Variants in CA5A observed in about 807,000 individuals in gnomAD.
CA5A encodes the protein carbonic anhydrase 5A, mitochondrial.
CA5A carries 28 observed loss-of-function variants against 37.1 expected under a neutral mutation model. The ratio of observed to expected loss-of-function variants is 0.75; its 90% CI spans 0.56 to 1.03. The LOEUF is 1.03. Ranked by LOEUF, CA5A falls within the 50% of genes least tolerant of loss-of-function variation. CA5A has a pLI of 0.00. For missense variants in CA5A, 444 were observed against 399.9 expected (o/e 1.11, Z -0.94); for synonymous variants, 171 against 158.4 (o/e 1.08, Z -0.60).
intron 5 of CA5A, 76 bp downstream of exon 5, chr16:87,901,836 C>G: frequency 7.8e-7 from 1 of 1,278,728 alleles, no homozygotes. Flanking sequence ...ATCCACCTGC[C>G]TCAGCCTCCC....
At chr16:87,928,723 TTCTC>T (rs1265412516) in intron 1 of CA5A, among the ~76,000 whole-genome samples, 1 of 151,582 alleles carries the variant, frequency 6.6e-6, no homozygotes, top group African/African-American at 2.4e-5. Flanking sequence ...TTGCTGTTCT[TTCTC>T]TGTATTCTCA....
chr16:87,884,667 G>C (rs2055634816), downstream of CA5A: 1 of 151,864 alleles, frequency 6.6e-6, no homozygotes. Context: ...CCGGGAGGCA[G>C]AGGTTGCAGT....
chr16:87,923,380 G>A (rs1443064529), intron 2 of CA5A: 2 of 188,968 alleles, frequency 1.1e-5, no homozygotes, highest in Non-Finnish European at 2.0e-5. Flanking sequence ...TACAGATGGG[G>A]TTTCACCATG....
chr16:87,909,867 GAGT>G (rs2056024989), intron 2 of CA5A, among the ~76,000 whole-genome samples: 7 of 152,308 alleles, frequency 4.6e-5, no homozygotes, highest in Middle Eastern at 3.4e-3. Context: ...ATGGGGTCAG[GAGT>G]GGGGTCTGGA....
At chr16:87,933,849 G>C (rs1481113812) in intron 1 of CA5A, among the ~76,000 whole-genome samples, 3 of 152,186 alleles carry the variant, frequency 2.0e-5, no homozygotes, top group African/African-American at 7.2e-5. Flanking sequence ...AATTCCTTAT[G>C]ATGTTCCAAT....
Position 87,926,850 on chromosome 16 carries a change from G to T in CA5A, c.238C>A (p.Leu80Met). Residue 80 changes from leucine to methionine, a missense_variant, in exon 2 of 7, where the codon CTG (leucine) becomes ATG (methionine). Transcript: ENST00000649794. ...TCATAGGAGACCCTGAGTGGCTTCA[G>T]CTGGGGGTCATAGACGCTGTCCCTC... Reference protein sequence around the residue: ...QWRDSVYDPQLKPLRVSYEAA... With the variant: ...QWRDSVYDPQMKPLRVSYEAA... 1 of 1,613,714 alleles carries T rather than the reference G, an allele frequency of 6.2e-7. No homozygotes were observed. The highest frequency in any genetic ancestry group is 1.1e-5 in the South Asian group (1 of 91,036).
At chr16:87,925,317 G>A (rs75361200) in intron 2 of CA5A, among the ~76,000 whole-genome samples, 1,856 of 152,274 alleles carry the variant, frequency 0.012, 38 homozygotes, top group African/African-American at 0.042. Flanking sequence ...GAGGTGTCTG[G>A]GCTGTCCGGA....
chr16:87,927,823 T>G (rs946444612), intron 1 of CA5A, among the ~76,000 whole-genome samples: 2 of 144,426 alleles, frequency 1.4e-5, no homozygotes, highest in Admixed American at 7.2e-5. Context: ...ATCGCGCCAC[T>G]GCACTCCAGC....
chr16:87,930,738 T>C (rs1319904925), intron 1 of CA5A, among the ~76,000 whole-genome samples: 1 of 120,848 alleles, frequency 8.3e-6, no homozygotes, highest in East Asian at 2.1e-4. Flanking sequence ...TGGATCTATT[T>C]TTTTTTTTTT....
At chr16:87,908,057 C>T (rs144798551) in intron 2 of CA5A, among the ~76,000 whole-genome samples, 160 of 152,276 alleles carry the variant, frequency 1.1e-3, no homozygotes, top group African/African-American at 3.5e-3. Context: ...AATACAGGAA[C>T]GAATGGGATT....
At chr16:87,907,959 G>C (rs1032529476) in intron 2 of CA5A, among the ~76,000 whole-genome samples, 1 of 152,204 alleles carries the variant, frequency 6.6e-6, no homozygotes, top group Admixed American at 6.5e-5. Context: ...AAAAGCGGTT[G>C]TTTCCGTCTG....
chr16:87,900,738 C>A (rs558073281), intron 5 of CA5A, among the ~76,000 whole-genome samples: 1 of 152,362 alleles, frequency 6.6e-6, no homozygotes, highest in South Asian at 2.1e-4. Context: ...AGGTTTCTCT[C>A]CGCCCTTGGG....
intron 1 of CA5A, among the ~76,000 whole-genome samples, chr16:87,934,179 C>T (rs578038612): frequency 6.6e-6 from 1 of 152,396 alleles, no homozygotes; most frequent in East Asian, 1.9e-4. Flanking sequence ...GCAGGCCCCA[C>T]CTCGGACCCT....
intron 2 of CA5A, among the ~76,000 whole-genome samples, chr16:87,913,793 G>T (rs1220524648): frequency 2.0e-5 from 3 of 152,122 alleles, no homozygotes; most frequent in African/African-American, 7.2e-5. Flanking sequence ...TAGCTGGCCC[G>T]TCCTGCACAC....
At chr16:87,920,204 CA>C (rs1306374155) in intron 2 of CA5A, among the ~76,000 whole-genome samples, 7 of 152,196 alleles carry the variant, frequency 4.6e-5, no homozygotes, top group African/African-American at 1.7e-4. Context: ...CACCTGCAGC[CA>C]AATTACATTT....
downstream of CA5A, chr16:87,886,431 T>A (rs545023715): frequency 6.6e-6 from 1 of 152,188 alleles, no homozygotes; most frequent in African/African-American, 2.4e-5. Flanking sequence ...CTCCTGTTAT[T>A]TTTTAGGAGC....
rs770900204 is a variant in CA5A, at chr16:87,904,791, C to T, written c.454G>A (p.Ala152Thr). ...GTTAGGCCACGTCTACAAACCTCTG[C>T]GGGGTACGCGTGGCCGTCCACTGTG... ...EHTVDGHAYP[A>T]ELHLVHWNSV... Residue 152 changes from alanine to threonine, a missense_variant, in exon 3 of 7, where the codon GCA becomes ACA. Coordinates refer to ENST00000649794, the MANE Select transcript of CA5A (RefSeq NM_001739.2). 32 of 1,598,418 alleles carry T rather than the reference C, an allele frequency of 2.0e-5. No individual in the cohort carries two copies. The highest frequency in any genetic ancestry group is 1.3e-4 in the African/African-American group (10 of 74,648).
Position 87,926,895 on chromosome 16 carries a change from A to T in CA5A, c.193T>A (p.Ser65Thr). 1 of 1,608,670 alleles carries T rather than the reference A, an allele frequency of 6.2e-7. No individual in the cohort carries two copies. Among genetic ancestry groups the T allele is most frequent in the Non-Finnish European group, 8.5e-7 (1 of 1,177,198 alleles). The change falls in exon 2 of 7, where the codon TCT (serine) becomes ACT (threonine). Residue 65 changes from serine to threonine, a missense_variant. Ser to Thr is a moderately conservative substitution (Grantham distance 58). Coordinates refer to ENST00000649794, the MANE Select transcript of CA5A (RefSeq NM_001739.2). Reference protein sequence around the residue: ...PVSVPGGTRQSPINIQWRDSV... With the variant: ...PVSVPGGTRQTPINIQWRDSV... ...TCCCTCCACTGGATGTTAATAGGAG[A>T]CTGCCGGGTGCCCCCTGGCACGGAG...
In CA5A at chr16:87,926,738, T is replaced by C. The variant is rs770300985; in HGVS notation, c.340+10A>G. 1.9e-6 allele frequency: 3 copies of C among 1,607,858 alleles called. No homozygotes were observed. The highest frequency in any genetic ancestry group is 2.6e-6 in the Non-Finnish European group (3 of 1,175,324). On this transcript the variant is annotated intron_variant, in intron 2 of 6. Transcript: ENST00000649794. ...GAGGACAAAGCCCTCGAGCCCCAGC[T>C]GGCACTCACCTGATGCCTCGGTGGC... is the stretch of plus-strand genomic sequence containing the variant.
Sources: gnomAD v4.1 joint callset for allele counts (sites outside exome capture counted in the v4.1 genomes callset) on GRCh38, gnomAD v4.1.1 for gene constraint, MANE v1.5 for transcripts, NCBI Gene and HGNC (gene_info 2026-07-23, HGNC 2026-07-21) for gene names.